Variants in TEX14 observed in about 807,000 individuals in gnomAD.
The protein encoded by TEX14 is testis expressed 14, intercellular bridge forming factor.
Under a neutral mutation model 178.6 loss-of-function variants are expected in TEX14, and 168 were observed. The observed-to-expected ratio is 0.94, with a 90% CI of 0.83 to 1.07. TEX14 has a LOEUF of 1.07. Among genes scored for constraint, TEX14 ranks in the 50% least tolerant of loss-of-function variants. The pLI is 0.00. For synonymous variants in TEX14, 626 were observed against 634.1 expected, an observed-to-expected ratio of 0.99 and a Z score of 0.19; for missense variants, 1,730 against 1,753.6, an observed-to-expected ratio of 0.99 and a Z score of 0.24.
chr17:58,585,105 C>T (rs997299693), intron 18 of TEX14, among the ~76,000 whole-genome samples: 1 of 152,020 alleles, frequency 6.6e-6, no homozygotes, highest in African/African-American at 2.4e-5. Context: ...TAAATAAATT[C>T]TGGGAGAATT....
rs745919285 is a variant in TEX14, at chr17:58,593,706, C to G, written c.2470-45G>C. 1.5e-5 allele frequency: 22 copies of G among 1,440,622 alleles called. No individual in the cohort carries two copies. In the African/African-American group the frequency reaches 2.0e-4, roughly 13 times the overall value. The allele number at this position is 1,440,622 out of a possible 1,614,324, so 89.2% of individuals were successfully genotyped here. On this transcript the variant is annotated intron_variant, in intron 14 of 31. Coordinates refer to ENST00000349033, the MANE Select transcript of TEX14 (RefSeq NM_031272.5). Reference sequence around the variant, plus strand: ...GTTTCAGGGCTTTGATGAGAGAATTCCCACTCTCTTCACTGTCACACTATT... The same window carrying G: ...GTTTCAGGGCTTTGATGAGAGAATTGCCACTCTCTTCACTGTCACACTATT...
intron 19 of TEX14, among the ~76,000 whole-genome samples, chr17:58,582,286 GTCTC>G (rs1039688320): frequency 1.3e-5 from 2 of 152,190 alleles, no homozygotes; most frequent in African/African-American, 4.8e-5. Flanking sequence ...CTGAGACAGA[GTCTC>G]TCTCTGTCAC....
At chr17:58,633,690 C>A (rs190918305) in intron 2 of TEX14, among the ~76,000 whole-genome samples, 70 of 151,982 alleles carry the variant, frequency 4.6e-4, no homozygotes, top group Admixed American at 1.2e-3. Flanking sequence ...AGCCGGGGGC[C>A]GGGCGCAGTG....
intron 17 of TEX14, among the ~76,000 whole-genome samples, chr17:58,586,335 G>T (rs2044973366): frequency 6.8e-6 from 1 of 146,354 alleles, no homozygotes; most frequent in Admixed American, 6.8e-5. Context: ...AGGGTGAAAG[G>T]CAGCAAACAA....
chr17:58,629,052 T>A (rs2046218318), intron 3 of TEX14, among the ~76,000 whole-genome samples: 1 of 152,116 alleles, frequency 6.6e-6, no homozygotes, highest in South Asian at 2.1e-4. Flanking sequence ...CAGTTTCTGG[T>A]TCTGTTTAAT....
intron 12 of TEX14, 44 bp downstream of exon 12, chr17:58,602,356 A>C: frequency 1.3e-6 from 2 of 1,544,796 alleles, no homozygotes; most frequent in East Asian, 2.3e-5. Context: ...TATTCTCCTG[A>C]GTTAGGTAAG....
intron 20 of TEX14, among the ~76,000 whole-genome samples, chr17:58,578,076 G>A (rs2044722615): frequency 6.6e-6 from 1 of 152,102 alleles, no homozygotes; most frequent in Admixed American, 6.6e-5. Flanking sequence ...ATAAAGAAGG[G>A]GGCAGATGGA....
rs1263296124 is a variant in TEX14, at chr17:58,598,958, A to G, written c.2387T>C (p.Ile796Thr). 2 of 1,614,024 alleles carry G rather than the reference A, an allele frequency of 1.2e-6. No individual in the cohort carries two copies. Among genetic ancestry groups the G allele is most frequent in the East Asian group, 4.5e-5 (2 of 44,890 alleles). The change falls in exon 14 of 32, where the codon ATT (isoleucine) becomes ACT (threonine). Residue 796 changes from isoleucine to threonine, a missense_variant. Coordinates refer to ENST00000349033, the MANE Select transcript of TEX14 (RefSeq NM_031272.5). ...LAVGPPSLNY[I>T]PPVLQLSGGQ... ...CCCTGAAAGCTGTAGGACAGGAGGA[A>G]TATAGTTTAAAGATGGAGGGCCCAC... is the stretch of plus-strand genomic sequence containing the variant.
At chr17:58,615,136 C>G in intron 8 of TEX14, 96 bp downstream of exon 8, 1 of 675,936 alleles carries the variant, frequency 1.5e-6, no homozygotes, top group Non-Finnish European at 2.6e-6. Context: ...CTGAGAGCAG[C>G]TGGAGCTCCC....
Position 58,573,191 on chromosome 17 carries a change from T to C in TEX14, c.3501A>G (p.Pro1167=), listed in dbSNP as rs2044582310. The C allele has an allele frequency of 6.2e-7, 1 of 1,614,046 alleles. No individual in the cohort carries two copies. The highest frequency in any genetic ancestry group is 2.2e-5 in the East Asian group (1 of 44,878). The change falls in exon 23 of 32, where the codon CCA becomes CCG. Residue 1167 remains proline, a synonymous_variant. Coordinates refer to ENST00000349033, the MANE Select transcript of TEX14 (RefSeq NM_031272.5). ...CTTCCCTGTGATTACCTGGGCTGAG[T>C]GGAGTGCTGACACTGGTAGGTGCAT... ...INHAPTSVST[P]LSPGSVSSAA... is the part of the protein sequence containing the mutation.
chr17:58,608,776 A>C (rs1014898106), intron 10 of TEX14, among the ~76,000 whole-genome samples: 1 of 152,180 alleles, frequency 6.6e-6, no homozygotes. Flanking sequence ...GTGTTGGGAG[A>C]CTGTGTCTGA....
chr17:58,649,237 G>A (rs956022459), intron 2 of TEX14, among the ~76,000 whole-genome samples: 2 of 151,366 alleles, frequency 1.3e-5, no homozygotes, highest in East Asian at 1.9e-4. Context: ...CCACCACCAC[G>A]CCCAGCTAAT....
chr17:58,671,961 T>A (rs2047311716), intron 1 of TEX14, among the ~76,000 whole-genome samples: 1 of 152,072 alleles, frequency 6.6e-6, no homozygotes, highest in Admixed American at 6.6e-5. Flanking sequence ...CTCCCAAACT[T>A]TTTGGCACCA....
intron 1 of TEX14, among the ~76,000 whole-genome samples, chr17:58,678,442 T>C (rs1157700245): frequency 2.0e-5 from 3 of 152,044 alleles, no homozygotes; most frequent in African/African-American, 7.2e-5. Context: ...CCATCAATGA[T>C]AGAATGGATT....
chr17:58,619,476 C>T (rs766637610), intron 5 of TEX14, among the ~76,000 whole-genome samples: 1 of 152,090 alleles, frequency 6.6e-6, no homozygotes, highest in Non-Finnish European at 1.5e-5. Flanking sequence ...ATCTTAGAGG[C>T]TAACTCTAAT....
intron 15 of TEX14, among the ~76,000 whole-genome samples, chr17:58,591,201 T>C (rs1414105231): frequency 6.6e-6 from 1 of 152,196 alleles, no homozygotes; most frequent in African/African-American, 2.4e-5. Context: ...CATTATTCCC[T>C]TCATAGGAAT....
intron 2 of TEX14, among the ~76,000 whole-genome samples, chr17:58,637,113 G>C (rs1322444224): frequency 6.6e-6 from 1 of 151,740 alleles, no homozygotes; most frequent in African/African-American, 2.4e-5. Flanking sequence ...TGTAATCCCA[G>C]CTACTTGGGA....
intron 30 of TEX14, 131 bp downstream of exon 30, chr17:58,559,322 C>G: frequency 7.1e-6 from 4 of 565,614 alleles, no homozygotes; most frequent in Non-Finnish European, 1.3e-5. Context: ...CTGAGCTGAA[C>G]TGCAGAGAAA....
intron 1 of TEX14, among the ~76,000 whole-genome samples, chr17:58,671,715 C>A (rs1158948785): frequency 6.6e-6 from 1 of 152,126 alleles, no homozygotes; most frequent in Non-Finnish European, 1.5e-5. Flanking sequence ...TCTCTTTTTG[C>A]TAGATCAGAA....
Sources: gnomAD v4.1 joint callset for allele counts (sites outside exome capture counted in the v4.1 genomes callset) on GRCh38, gnomAD v4.1.1 for gene constraint, MANE v1.5 for transcripts, NCBI Gene and HGNC (gene_info 2026-07-23, HGNC 2026-07-21) for gene names.